PID1: variants seen among roughly 807,000 people sequenced by gnomAD.
The protein encoded by PID1 is PTB-containing, cubilin and LRP1-interacting protein.
Under a neutral mutation model 19.1 loss-of-function variants are expected in PID1, and 10 were observed. The observed-to-expected ratio is 0.52, with a 90% CI of 0.32 to 0.89. PID1 has a LOEUF of 0.89. Ranked by LOEUF, PID1 falls within the 40% of genes least tolerant of loss-of-function variation. The pLI, the probability that PID1 is intolerant of heterozygous loss-of-function variation, is 0.03. For missense variants in PID1, 248 were observed against 285.3 expected, an observed-to-expected ratio of 0.87 and a Z score of 0.94; for synonymous variants, 130 against 116.0, an observed-to-expected ratio of 1.12 and a Z score of -0.78.
At chr2:229,184,491 A>C (rs140553733) in intron 1 of PID1, among the ~76,000 whole-genome samples, 10,194 of 10,966 alleles carry the variant, frequency 0.93, 4,976 homozygotes, top group East Asian at 0.99. Flanking sequence ...ATATATATAT[A>C]CCGTATATAT....
intron 1 of PID1, among the ~76,000 whole-genome samples, chr2:229,230,713 T>A (rs1692187455): frequency 6.6e-6 from 1 of 152,210 alleles, no homozygotes; most frequent in African/African-American, 2.4e-5. Flanking sequence ...GTTAGTTTTT[T>A]AATTTTACAT....
intron 2 of PID1, among the ~76,000 whole-genome samples, chr2:229,046,518 C>T (rs955288503): frequency 6.6e-6 from 1 of 151,878 alleles, no homozygotes; most frequent in Non-Finnish European, 1.5e-5. Context: ...TTGGCTAGAT[C>T]TTACGGTGAA....
At chr2:229,159,527 C>T (rs1044177247) in intron 1 of PID1, among the ~76,000 whole-genome samples, 7 of 152,282 alleles carry the variant, frequency 4.6e-5, no homozygotes, top group Admixed American at 6.5e-5. Flanking sequence ...CTTCAGCCCA[C>T]GGTTCCAGCC....
chr2:229,113,370 G>T (rs1162301616), intron 2 of PID1, among the ~76,000 whole-genome samples: 1 of 146,876 alleles, frequency 6.8e-6, no homozygotes, highest in Non-Finnish European at 1.5e-5. Flanking sequence ...TTAATGTCTG[G>T]AGCCCCTACT....
At chr2:229,264,187 A>G (rs1005199678) in intron 1 of PID1, among the ~76,000 whole-genome samples, 3 of 152,188 alleles carry the variant, frequency 2.0e-5, no homozygotes, top group African/African-American at 7.2e-5. Context: ...GGGAGCAAAC[A>G]TGCATTTGAT....
chr2:229,236,573 T>C (rs923639285), intron 1 of PID1: 1 of 151,990 alleles, frequency 6.6e-6, no homozygotes, highest in African/African-American at 2.4e-5. Flanking sequence ...TGGTTATCAG[T>C]GGGGAAAGAG....
intron 1 of PID1, among the ~76,000 whole-genome samples, chr2:229,247,359 C>G (rs1203243364): frequency 6.6e-6 from 1 of 152,156 alleles, no homozygotes; most frequent in Non-Finnish European, 1.5e-5. Context: ...AAAAGGGCCT[C>G]TCAAATGACC....
intron 2 of PID1, among the ~76,000 whole-genome samples, chr2:229,071,228 T>A (rs1006913291): frequency 6.6e-6 from 1 of 152,238 alleles, no homozygotes; most frequent in Non-Finnish European, 1.5e-5. Flanking sequence ...CTGACTACAC[T>A]GACTCTGAGA....
chr2:229,124,146 C>T (rs2106160956), intron 2 of PID1, among the ~76,000 whole-genome samples: 1 of 152,296 alleles, frequency 6.6e-6, no homozygotes, highest in East Asian at 1.9e-4. Flanking sequence ...GAAATGTTTA[C>T]TCTTCAGGCA....
intron 1 of PID1, among the ~76,000 whole-genome samples, chr2:229,194,741 C>T (rs1259742002): frequency 2.6e-5 from 4 of 151,918 alleles, no homozygotes; most frequent in African/African-American, 4.8e-5. Flanking sequence ...TGTGTGTACA[C>T]ACAGGATAAA....
At chr2:229,026,601 T>C (rs1049817963) in intron 2 of PID1, among the ~76,000 whole-genome samples, 4 of 152,258 alleles carry the variant, frequency 2.6e-5, no homozygotes, top group African/African-American at 9.6e-5. Flanking sequence ...TCACTTAGGC[T>C]GCCTGCTTCT....
intron 1 of PID1, among the ~76,000 whole-genome samples, chr2:229,204,719 A>T (rs1299149742): frequency 1.3e-5 from 2 of 152,126 alleles, no homozygotes; most frequent in East Asian, 3.9e-4. Flanking sequence ...GCGGGGCTCA[A>T]CCTGTGGCTT....
At chr2:229,149,047 A>G (rs554573586) in intron 2 of PID1, among the ~76,000 whole-genome samples, 1 of 149,822 alleles carries the variant, frequency 6.7e-6, no homozygotes, top group Non-Finnish European at 1.5e-5. Flanking sequence ...ATATATATAT[A>G]TATTATATTA....
chr2:229,269,027 A>T (rs1007055549), intron 1 of PID1, among the ~76,000 whole-genome samples: 2 of 152,130 alleles, frequency 1.3e-5, no homozygotes, highest in Non-Finnish European at 2.9e-5. Flanking sequence ...ATATAAAAAA[A>T]TTTTTCCGCA....
chr2:229,151,427 C>A (rs1254021841), intron 2 of PID1, among the ~76,000 whole-genome samples: 1 of 152,214 alleles, frequency 6.6e-6, no homozygotes, highest in Admixed American at 6.5e-5. Context: ...ACACCTGGCA[C>A]TTAAACCGTT....
intron 2 of PID1, among the ~76,000 whole-genome samples, chr2:229,087,565 C>T (rs1424153423): frequency 6.6e-6 from 1 of 152,176 alleles, no homozygotes; most frequent in Non-Finnish European, 1.5e-5. Flanking sequence ...TTTACAATTT[C>T]CATGCATGTC....
At chr2:229,053,256 G>A (rs2191833) in intron 2 of PID1, among the ~76,000 whole-genome samples, 45,564 of 151,536 alleles carry the variant, frequency 0.3, 7,715 homozygotes, top group East Asian at 0.53. Flanking sequence ...TGAGTTTCTC[G>A]ATTAGAGAAA....
chr2:229,198,677 G>C (rs1342399223), intron 1 of PID1, among the ~76,000 whole-genome samples: 3 of 152,048 alleles, frequency 2.0e-5, no homozygotes, highest in African/African-American at 7.2e-5. Flanking sequence ...AATTCTAGGA[G>C]ACGCCCTTGA....
chr2:229,139,017 A>AAG (rs1372362591), intron 2 of PID1, among the ~76,000 whole-genome samples: 2 of 92,724 alleles, frequency 2.2e-5, no homozygotes, highest in African/African-American at 8.1e-5. Flanking sequence ...GAAAGAAAGA[A>AAG]AGAAAGAAAG....
Sources: allele counts gnomAD v4.1 joint callset (sites outside exome capture counted in the v4.1 genomes callset), GRCh38; gene constraint gnomAD v4.1.1; transcripts MANE v1.5; gene names NCBI Gene and HGNC (gene_info 2026-07-23, HGNC 2026-07-21).